SSH2: variants seen among roughly 807,000 people sequenced by gnomAD.
SSH2 encodes slingshot protein phosphatase 2, also known as protein phosphatase Slingshot homolog 2.
In SSH2, 37 loss-of-function variants were observed where a neutral mutation model predicts 135.2. That is an observed-to-expected ratio of 0.27 (90% CI 0.21 to 0.36). The LOEUF is 0.36. Among genes scored for constraint, SSH2 ranks in the 10% least tolerant of loss-of-function variants. SSH2 has a pLI of 1.00. For missense variants in SSH2, 1,408 were observed against 1,765.3 expected, an observed-to-expected ratio of 0.80 and a Z score of 3.63; for synonymous variants, 628 against 646.2, an observed-to-expected ratio of 0.97 and a Z score of 0.43.
chr17:29,719,758 T>C (rs1394949869), intron 3 of SSH2, among the ~76,000 whole-genome samples: 1 of 152,158 alleles, frequency 6.6e-6, no homozygotes, highest in Non-Finnish European at 1.5e-5. Flanking sequence ...AGGCTTCTTT[T>C]CTTTTCTTCT....
At chr17:29,703,149 C>T in intron 3 of SSH2, 87 bp from the exon 4 acceptor site, 1 of 920,168 alleles carries the variant, frequency 1.1e-6, no homozygotes, top group Non-Finnish European at 1.8e-6. Context: ...ATTCTCTCTT[C>T]TCTATTCCAA....
intron 3 of SSH2, among the ~76,000 whole-genome samples, chr17:29,791,832 A>C (rs950288826): frequency 1.1e-4 from 16 of 152,120 alleles, no homozygotes; most frequent in Admixed American, 6.6e-5. Flanking sequence ...TGAATAGAAG[A>C]AGCCTGCAAA....
At chr17:29,881,107 C>A (rs7226121) in intron 1 of SSH2, among the ~76,000 whole-genome samples, 72,943 of 151,930 alleles carry the variant, frequency 0.48, 18,213 homozygotes, top group East Asian at 0.69. Context: ...CTGTGTGCTC[C>A]TTATATATTC....
intron 1 of SSH2, among the ~76,000 whole-genome samples, chr17:29,872,370 C>T (rs2151422222): frequency 1.3e-5 from 2 of 152,212 alleles, no homozygotes; most frequent in African/African-American, 2.4e-5. Flanking sequence ...TTCCTAGAGA[C>T]TACATTAACA....
chr17:29,857,589 A>C (rs778744285), intron 1 of SSH2, among the ~76,000 whole-genome samples: 37 of 152,228 alleles, frequency 2.4e-4, no homozygotes, highest in Non-Finnish European at 3.1e-4. Flanking sequence ...TCTCAGGCTC[A>C]AGCGATCCTC....
intron 3 of SSH2, among the ~76,000 whole-genome samples, chr17:29,738,095 G>A (rs2064631543): frequency 6.6e-6 from 1 of 151,988 alleles, no homozygotes; most frequent in Non-Finnish European, 1.5e-5. Context: ...ACCCCACAAG[G>A]GGCCCGGGTG....
intron 2 of SSH2, among the ~76,000 whole-genome samples, chr17:29,805,756 T>C (rs1380013581): frequency 2.0e-5 from 3 of 152,030 alleles, no homozygotes; most frequent in African/African-American, 2.4e-5. Context: ...GCTTAAAGGT[T>C]TGGAGAAACA....
intron 3 of SSH2, among the ~76,000 whole-genome samples, chr17:29,766,412 C>T (rs908139444): frequency 6.6e-6 from 1 of 151,332 alleles, no homozygotes; most frequent in African/African-American, 2.4e-5. Context: ...GAGCTAAGAT[C>T]GCGCCACTGC....
intron 3 of SSH2, among the ~76,000 whole-genome samples, chr17:29,744,417 T>C (rs1291845730): frequency 6.6e-6 from 1 of 152,226 alleles, no homozygotes; most frequent in African/African-American, 2.4e-5. Flanking sequence ...TTTTAGTAGC[T>C]GCAGTATCTC....
intron 3 of SSH2, chr17:29,761,492 A>G: frequency 2.1e-6 from 2 of 960,504 alleles, no homozygotes; most frequent in African/African-American, 1.8e-5. Flanking sequence ...GCGGGTCCTG[A>G]GAGCGGAGAG....
At chr17:29,711,044 G>A (rs940406606) in intron 3 of SSH2, among the ~76,000 whole-genome samples, 1 of 152,200 alleles carries the variant, frequency 6.6e-6, no homozygotes, top group African/African-American at 2.4e-5. Flanking sequence ...GAATGCAAGA[G>A]TCAGGATTAT....
At chr17:29,883,015 T>C (rs774129542) in intron 1 of SSH2, 8 of 152,242 alleles carry the variant, frequency 5.3e-5, no homozygotes, top group Non-Finnish European at 1.0e-4. Context: ...AATCCTTTTG[T>C]GATTCATAAG....
chr17:29,660,658 G>T (rs572510379), intron 11 of SSH2, among the ~76,000 whole-genome samples: 76 of 152,076 alleles, frequency 5.0e-4, no homozygotes, highest in Non-Finnish European at 1.0e-3. Flanking sequence ...TACATGCAAA[G>T]TTTTTCCCAT....
At chr17:29,738,871 T>G (rs1160823927) in intron 3 of SSH2, among the ~76,000 whole-genome samples, 1 of 152,194 alleles carries the variant, frequency 6.6e-6, no homozygotes, top group Non-Finnish European at 1.5e-5. Flanking sequence ...CTTAATTTTC[T>G]TATCTGTAAG....
In SSH2 at chr17:29,632,427, G is replaced by T; in HGVS notation, c.2767C>A (p.Arg923Ser). 2 of 1,614,142 alleles carry T rather than the reference G, an allele frequency of 1.2e-6. No individual in the cohort carries two copies. Among genetic ancestry groups the T allele is most frequent in the Non-Finnish European group, 1.7e-6 (2 of 1,180,026 alleles). ...GAAGAATCATTCTTTGAATTCTTAC[G>T]AGTGGACAATGAGGTACATGTTGGG... is the stretch of plus-strand genomic sequence containing the variant. ...AAPTCTSLST[R>S]KNSKNDSSVA... The change falls in exon 16 of 16, where the codon CGT (arginine) becomes AGT (serine). Residue 923 changes from arginine (R) to serine (S), a missense_variant. Physicochemically the swap from Arg to Ser is moderately radical, Grantham distance 110. Around this residue, in one of 3 missense-constraint regions of SSH2, gnomAD observed 1,080 missense variants for 1,144.5 expected, o/e 0.94. Coordinates refer to ENST00000540801, the MANE Select transcript of SSH2 (RefSeq NM_001282129.2).
At chr17:29,913,905 A>G (rs1187491471) in intron 1 of SSH2, among the ~76,000 whole-genome samples, 1 of 152,086 alleles carries the variant, frequency 6.6e-6, no homozygotes, top group Non-Finnish European at 1.5e-5. Context: ...AAGTGCTGGA[A>G]TTACAGGCAT....
chr17:29,927,159 T>C (rs2067082648), intron 1 of SSH2, among the ~76,000 whole-genome samples: 3 of 152,230 alleles, frequency 2.0e-5, no homozygotes. Context: ...AAATGTTAGA[T>C]ATTGTTATAC....
At chr17:29,745,308 C>T (rs1311931387) in intron 3 of SSH2, among the ~76,000 whole-genome samples, 3 of 152,042 alleles carry the variant, frequency 2.0e-5, no homozygotes, top group Non-Finnish European at 2.9e-5. Flanking sequence ...TACAGGCGCC[C>T]ATCACCACAC....
intron 2 of SSH2, among the ~76,000 whole-genome samples, chr17:29,830,889 C>A (rs529031170): frequency 1.1e-4 from 17 of 152,050 alleles, no homozygotes; most frequent in Non-Finnish European, 1.9e-4. Context: ...GTGGAAACCA[C>A]AAATGGGAAA....
Sources: gnomAD v4.1 joint callset for allele counts (sites outside exome capture counted in the v4.1 genomes callset) on GRCh38, gnomAD v4.1.1 for gene constraint, gnomAD v4.1.1 regional missense constraint, MANE v1.5 for transcripts, NCBI Gene and HGNC (gene_info 2026-07-23, HGNC 2026-07-21) for gene names.